The following NCMAP variants were observed in gnomAD, a reference collection of about 807,000 sequenced individuals.
NCMAP encodes the protein non-compact myelin associated protein.
NCMAP carries 8 observed loss-of-function variants against 7.8 expected under a neutral mutation model. The ratio of observed to expected loss-of-function variants is 1.02; its 90% CI spans 0.60 to 1.84. The LOEUF (loss-of-function observed/expected upper bound fraction) is 1.84, where lower values mean the gene tolerates loss of function less well. NCMAP is among the 40% of genes most tolerant of loss of function. NCMAP has a pLI of 0.00. For missense variants in NCMAP, 112 were observed against 131.4 expected (o/e 0.85, Z 0.72); for synonymous variants, 41 against 52.9 (o/e 0.78, Z 0.98).
rs369783642 is a variant in NCMAP, at chr1:24,579,176, G to A, written c.-7-16248G>A. Reference sequence around the variant, plus strand: ...ATCCTCCAGGGGCTTCCTGGGAAAAGGTGCATGGGGTAGGGTGGGGGTTTT... The same window carrying A: ...ATCCTCCAGGGGCTTCCTGGGAAAAAGTGCATGGGGTAGGGTGGGGGTTTT... On this transcript the variant is annotated intron_variant, in intron 1 of 3. Transcript: ENST00000374392. Among the ~76,000 whole-genome samples the A allele has an allele frequency of 4.1e-5, 6 of 145,514 alleles. No individual in the cohort carries two copies. The East Asian group carries it at 1.0e-3, about 24-fold the overall frequency.
At chr1:24,600,445 C>G (rs553884503) in intron 2 of NCMAP, among the ~76,000 whole-genome samples, 87 of 152,330 alleles carry the variant, frequency 5.7e-4, no homozygotes, top group Non-Finnish European at 1.0e-3. Context: ...TGAGCCACTG[C>G]ACCTGGCTGA....
At chr1:24,587,295 T>C (rs576994400) in intron 1 of NCMAP, among the ~76,000 whole-genome samples, 1 of 152,236 alleles carries the variant, frequency 6.6e-6, no homozygotes, top group East Asian at 1.9e-4. Context: ...AAGAAAATCG[T>C]CAGAGGACAT....
intron 2 of NCMAP, among the ~76,000 whole-genome samples, chr1:24,598,673 A>C (rs1248210356): frequency 2.0e-5 from 3 of 149,794 alleles, no homozygotes; most frequent in Non-Finnish European, 4.4e-5. Flanking sequence ...TCTGCCGCCC[A>C]GGCTGGAGTA....
intron 1 of NCMAP, among the ~76,000 whole-genome samples, chr1:24,588,459 C>T (rs564362197): frequency 3.3e-5 from 5 of 152,172 alleles, no homozygotes; most frequent in African/African-American, 1.2e-4. Flanking sequence ...AGAGGTCTGC[C>T]GGGGTTGGTA....
chr1:24,605,595 T>A lies in NCMAP; in HGVS notation c.168-11T>A. ...GAAAGACTCAACCATGTGCACATTA[T>A]CTCCCTACAGGAAAATGAGGACGAG... On this transcript the variant is annotated splice_polypyrimidine_tract_variant and intron_variant, in intron 3 of 3. Coordinates refer to ENST00000374392, the MANE Select transcript of NCMAP (RefSeq NM_001010980.5). 6.2e-7 allele frequency: 1 copy of A among 1,613,888 alleles called. No homozygotes were observed. Among genetic ancestry groups the A allele is most frequent in the Non-Finnish European group, 8.5e-7 (1 of 1,179,826 alleles).
intron 1 of NCMAP, among the ~76,000 whole-genome samples, chr1:24,578,069 C>T (rs898946897): frequency 7.9e-5 from 12 of 151,962 alleles, no homozygotes; most frequent in Admixed American, 7.9e-4. Flanking sequence ...TGGAGACCAG[C>T]CTGGGCAACA....
intron 1 of NCMAP, among the ~76,000 whole-genome samples, chr1:24,595,128 A>T (rs997981764): frequency 2.0e-5 from 3 of 152,222 alleles, no homozygotes; most frequent in African/African-American, 7.2e-5. Context: ...AAATGGCAAC[A>T]GTAACTCACC....
intron 1 of NCMAP, among the ~76,000 whole-genome samples, chr1:24,585,679 G>A (rs76044638): frequency 0.018 from 2,727 of 152,200 alleles, 78 homozygotes; most frequent in African/African-American, 0.062. Flanking sequence ...GGTCTTCCGA[G>A]TCTCAGGTTA....
intron 1 of NCMAP, chr1:24,589,471 A>T (rs1377324191): frequency 6.6e-6 from 1 of 152,248 alleles, no homozygotes; most frequent in Non-Finnish European, 1.5e-5. Context: ...GAGGCAAGAT[A>T]TGCTCTGAGA....
chr1:24,587,728 G>T (rs1189916058), intron 1 of NCMAP, among the ~76,000 whole-genome samples: 1 of 152,036 alleles, frequency 6.6e-6, no homozygotes, highest in African/African-American at 2.4e-5. Flanking sequence ...GTCCAGGCTG[G>T]TCTCGAACTC....
intron 1 of NCMAP, among the ~76,000 whole-genome samples, chr1:24,594,072 A>G (rs1353561120): frequency 6.6e-6 from 1 of 151,832 alleles, no homozygotes; most frequent in East Asian, 1.9e-4. Flanking sequence ...TTGTATTTTT[A>G]GTAGAGACGG....
In NCMAP at chr1:24,573,952, C is replaced by CAA. The variant is rs78594011; in HGVS notation, c.-8+17801_-8+17802dup. The stretch of plus-strand genomic sequence containing the variant: ...CACTCTGCTGGGGACCCAGAGAGGA[C>CAA]AAAAAAAAAAAAAAAAAAACAGAAA... On this transcript the variant is annotated intron_variant, in intron 1 of 3. Coordinates refer to ENST00000374392, the MANE Select transcript of NCMAP (RefSeq NM_001010980.5). Among the ~76,000 whole-genome samples, 64 of 84,444 alleles carry CAA rather than the reference C, an allele frequency of 7.6e-4. 3 individuals carry two copies. The highest frequency in any genetic ancestry group is 5.4e-3 in the Middle Eastern group (1 of 184). The allele number at this position is 84,444 out of a possible 152,430, so 55.4% of individuals were successfully genotyped here.
chr1:24,593,900 ATTTT>A (rs1041058809), intron 1 of NCMAP, among the ~76,000 whole-genome samples: 1 of 136,590 alleles, frequency 7.3e-6, no homozygotes, highest in African/African-American at 2.9e-5. Flanking sequence ...TTATTTATTT[ATTTT>A]TTATTTTGAG....
rs1652794382 is a variant in NCMAP, at chr1:24,607,233, TC to T, written c.*1487del. Reference sequence around the variant, plus strand: ...CCAGGCTGGTCTTGAACCCCTGGCCTCAAGTGATCCTTCTGCTTTGGCCTCC... The same window carrying T: ...CCAGGCTGGTCTTGAACCCCTGGCCTAAGTGATCCTTCTGCTTTGGCCTCC... On this transcript the variant is annotated 3_prime_UTR_variant, in exon 4 of 4. Transcript: ENST00000374392. 1.3e-5 allele frequency: 2 copies of T among 152,266 alleles called. No homozygotes were observed. The highest frequency in any genetic ancestry group is 3.9e-4 in the East Asian group (2 of 5,170). The allele number at this position is 152,266 out of a possible 1,614,324, so 9.4% of individuals were successfully genotyped here.
In NCMAP at chr1:24,584,800, G is replaced by GT. The variant is rs527994921; in HGVS notation, c.-7-10618dup. ...GGACATAATCCCCTTGGCCCCTCTG[G>GT]TTTTTTGGTTTTTATTTTATTTATT... On this transcript the variant is annotated intron_variant, in intron 1 of 3. Transcript: ENST00000374392. Among the ~76,000 whole-genome samples the GT allele has an allele frequency of 3.7e-3, 564 of 152,050 alleles. 1 individual carries two copies. The highest frequency in any genetic ancestry group is 0.013 in the African/African-American group (543 of 41,426).
At chr1:24,558,665 T>TCA (rs961233491) in intron 1 of NCMAP, among the ~76,000 whole-genome samples, 29 of 152,094 alleles carry the variant, frequency 1.9e-4, no homozygotes, top group African/African-American at 6.3e-4. Flanking sequence ...GGACACAGGG[T>TCA]CATAGTGTGT....
chr1:24,594,310 A>C (rs1381001887), intron 1 of NCMAP, among the ~76,000 whole-genome samples: 2 of 152,034 alleles, frequency 1.3e-5, no homozygotes, highest in Non-Finnish European at 2.9e-5. Context: ...CTCAAATGTA[A>C]CATTGTAGCC....
intron 2 of NCMAP, among the ~76,000 whole-genome samples, chr1:24,596,054 T>C (rs550512915): frequency 6.6e-6 from 1 of 152,060 alleles, no homozygotes; most frequent in East Asian, 1.9e-4. Context: ...GGCTGAGGCA[T>C]GTGGATCACT....
At chr1:24,560,197 T>C (rs1651009491) in intron 1 of NCMAP, among the ~76,000 whole-genome samples, 1 of 151,806 alleles carries the variant, frequency 6.6e-6, no homozygotes, top group Admixed American at 6.6e-5. Flanking sequence ...TTGTTTCCCT[T>C]TGCCTCTGAA....
Sources: gnomAD v4.1 joint callset for allele counts (sites outside exome capture counted in the v4.1 genomes callset) on GRCh38, gnomAD v4.1.1 for gene constraint, MANE v1.5 for transcripts, NCBI Gene and HGNC (gene_info 2026-07-23, HGNC 2026-07-21) for gene names.